Variants in CAPN13 observed in about 807,000 individuals in gnomAD.
CAPN13 encodes the protein calpain 13, also known as calpain-13.
CAPN13 carries 90 observed loss-of-function variants against 98.4 expected under a neutral mutation model. That is an observed-to-expected ratio of 0.92 (90% CI 0.77 to 1.09). CAPN13 has a LOEUF of 1.09. Ranked by LOEUF, CAPN13 falls within the 50% of genes least tolerant of loss-of-function variation. CAPN13 has a pLI of 0.00. For synonymous variants in CAPN13, 330 were observed against 305.5 expected (o/e 1.08, Z -0.84); for missense variants, 887 against 841.3 (o/e 1.05, Z -0.67).
chr2:30,763,152 G>A lies in CAPN13; in HGVS notation c.704C>T (p.Thr235Ile), dbSNP rs892479510. The change falls in exon 7 of 23, where the codon ACA (threonine) becomes ATA (isoleucine). Residue 235 changes from threonine to isoleucine, a missense_variant. Coordinates refer to ENST00000295055, the MANE Select transcript of CAPN13 (RefSeq NM_144575.3). ...LITCATPSGPTDTAQAMENGL... is the reference protein window; with the variant it reads ...LITCATPSGPIDTAQAMENGL... ...ATTCTCCATCGCCTGTGCTGTATCT[G>A]TTGGCTTCAAGGCAGAAAAGCAGAT... The A allele has an allele frequency of 5.6e-6, 9 of 1,610,638 alleles. No homozygotes were observed. In the South Asian group the frequency reaches 7.8e-5, roughly 14 times the overall value.
intron 7 of CAPN13, among the ~76,000 whole-genome samples, chr2:30,758,839 TCTTTCCCTTTCTC>T (rs1672629093): frequency 1.8e-5 from 2 of 110,030 alleles, no homozygotes; most frequent in African/African-American, 7.0e-5. Flanking sequence ...CTCCCTTCCT[TCTTTCCCTTTCTC>T]CCTCCCTCCA....
rs147310893 is a variant in CAPN13, at chr2:30,784,534, T to C, written c.198+2594A>G. ...TAAAAAGGGAAAAAAGGGCAGAACATAGATCAACTTTAGAGAGGGATTGAT... is the reference window on the plus strand; with the variant it reads ...TAAAAAGGGAAAAAAGGGCAGAACACAGATCAACTTTAGAGAGGGATTGAT... On this transcript the variant is annotated intron_variant, in intron 2 of 22. Coordinates refer to ENST00000295055, the MANE Select transcript of CAPN13 (RefSeq NM_144575.3). Among the ~76,000 whole-genome samples the C allele has an allele frequency of 4.0e-3, 611 of 152,320 alleles. 3 individuals carry two copies. Among genetic ancestry groups the C allele is most frequent in the African/African-American group, 0.013 (541 of 41,574 alleles).
chr2:30,725,154 C>G (rs1670814895), intron 22 of CAPN13, among the ~76,000 whole-genome samples: 1 of 152,292 alleles, frequency 6.6e-6, no homozygotes, highest in South Asian at 2.1e-4. Context: ...CCTCTAGACT[C>G]TGAAATCAAT....
At chr2:30,757,049 C>A (rs1672488268) in intron 8 of CAPN13, among the ~76,000 whole-genome samples, 1 of 152,220 alleles carries the variant, frequency 6.6e-6, no homozygotes, top group Non-Finnish European at 1.5e-5. Flanking sequence ...AAAGCACCGT[C>A]CTCACTGTAT....
intron 1 of CAPN13, among the ~76,000 whole-genome samples, chr2:30,797,271 C>T (rs1255545938): frequency 6.6e-6 from 1 of 152,154 alleles, no homozygotes; most frequent in Non-Finnish European, 1.5e-5. Flanking sequence ...GTACTCCCAA[C>T]CCCTAAGTTT....
chr2:30,740,061 A>G (rs1416654074), intron 15 of CAPN13, among the ~76,000 whole-genome samples: 1 of 146,312 alleles, frequency 6.8e-6, no homozygotes, highest in Non-Finnish European at 1.5e-5. Context: ...AACCGGTGGT[A>G]GTATCAAGTC....
chr2:30,736,857 A>G (rs1671391281), intron 17 of CAPN13, among the ~76,000 whole-genome samples: 1 of 152,240 alleles, frequency 6.6e-6, no homozygotes, highest in African/African-American at 2.4e-5. Context: ...GGCCTTCACC[A>G]GTTGGAGTGG....
chr2:30,742,806 G>GTCC (rs1014807432), intron 13 of CAPN13, among the ~76,000 whole-genome samples: 2 of 152,152 alleles, frequency 1.3e-5, no homozygotes, highest in African/African-American at 4.8e-5. Flanking sequence ...GCTGGTCCCA[G>GTCC]TCTTGAATGA....
chr2:30,780,275 A>C (rs919665189), intron 2 of CAPN13, among the ~76,000 whole-genome samples: 2 of 152,272 alleles, frequency 1.3e-5, no homozygotes, highest in Non-Finnish European at 2.9e-5. Flanking sequence ...TTAAAAAAGA[A>C]TCCTGCCACC....
intron 7 of CAPN13, among the ~76,000 whole-genome samples, chr2:30,758,611 T>TA (rs1188015415): frequency 1.3e-5 from 2 of 151,934 alleles, no homozygotes; most frequent in Non-Finnish European, 2.9e-5. Flanking sequence ...GTGAGGAGGG[T>TA]AGAGGAGGCA....
At chr2:30,767,492 G>C (rs1673169471) in intron 5 of CAPN13, among the ~76,000 whole-genome samples, 1 of 152,162 alleles carries the variant, frequency 6.6e-6, no homozygotes, top group Admixed American at 6.5e-5. Flanking sequence ...CTTCTCCCAG[G>C]GAACCACTGG....
intron 12 of CAPN13, chr2:30,743,822 G>A (rs951842940): frequency 1.4e-5 from 9 of 624,376 alleles, no homozygotes; most frequent in Middle Eastern, 3.3e-4. Context: ...ATCTCATTGG[G>A]TCTAACAGCA....
chr2:30,728,824 C>A (rs1203420910), intron 22 of CAPN13, among the ~76,000 whole-genome samples: 1 of 151,998 alleles, frequency 6.6e-6, no homozygotes, highest in Non-Finnish European at 1.5e-5. Flanking sequence ...GGAGGCCATG[C>A]CAAAGTCAGG....
chr2:30,732,347 C>A, intron 20 of CAPN13, 91 bp downstream of exon 20: 1 of 1,542,748 alleles, frequency 6.5e-7, no homozygotes, highest in Non-Finnish European at 8.8e-7. Flanking sequence ...AGGCCTCACG[C>A]AGACCTGGGG....
chr2:30,761,433 C>T (rs1023248378), intron 7 of CAPN13, among the ~76,000 whole-genome samples: 18 of 152,178 alleles, frequency 1.2e-4, no homozygotes, highest in Admixed American at 7.9e-4. Context: ...CCCTTTGTCA[C>T]CCTAGGTGTT....
intron 1 of CAPN13, among the ~76,000 whole-genome samples, chr2:30,791,378 G>A (rs1674599742): frequency 6.6e-6 from 1 of 152,120 alleles, no homozygotes; most frequent in East Asian, 1.9e-4. Flanking sequence ...CACATAGTAG[G>A]TATTCAATAA....
chr2:30,749,476 T>C (rs983107937), intron 11 of CAPN13, among the ~76,000 whole-genome samples: 6 of 152,238 alleles, frequency 3.9e-5, no homozygotes, highest in African/African-American at 1.4e-4. Context: ...AGGAGCCGTG[T>C]CTGTCCATAA....
chr2:30,730,658 T>G, intron 22 of CAPN13, 72 bp downstream of exon 22: 1 of 756,644 alleles, frequency 1.3e-6, no homozygotes, highest in Non-Finnish European at 2.5e-6. Flanking sequence ...GAGAGTCTTA[T>G]GTGCAGTTCT....
At chr2:30,745,237 C>T (rs1360939881) in intron 12 of CAPN13, 3 of 472,744 alleles carry the variant, frequency 6.3e-6, no homozygotes, top group Admixed American at 4.7e-5. Context: ...GGGCAAGTCA[C>T]CTTTCACCAA....
Sources: gnomAD v4.1 joint callset for allele counts (sites outside exome capture counted in the v4.1 genomes callset) on GRCh38, gnomAD v4.1.1 for gene constraint, MANE v1.5 for transcripts, NCBI Gene and HGNC (gene_info 2026-07-23, HGNC 2026-07-21) for gene names.